The following THSD4 variants were observed in gnomAD, a reference collection of about 807,000 sequenced individuals.
The protein encoded by THSD4 is thrombospondin type-1 domain-containing protein 4.
A neutral mutation model predicts 119.0 loss-of-function variants in THSD4; 69 were observed. That is an observed-to-expected ratio of 0.58 (90% CI 0.48 to 0.71). The LOEUF is 0.71. Ranked by LOEUF, THSD4 falls within the 30% of genes least tolerant of loss-of-function variation. The pLI, the probability that THSD4 is intolerant of heterozygous loss-of-function variation, is 0.00. For missense variants in THSD4, 1,393 were observed against 1,391.1 expected (o/e 1.00, Z -0.02); for synonymous variants, 524 against 540.4 (o/e 0.97, Z 0.42).
chr15:71,107,308 G>T (rs914194943), intron 1 of THSD4, among the ~76,000 whole-genome samples: 5 of 151,376 alleles, frequency 3.3e-5, no homozygotes. Flanking sequence ...CTTTCCTTTT[G>T]CAATTACCTG....
chr15:71,560,592 G>A (rs540365689), intron 7 of THSD4, among the ~76,000 whole-genome samples: 2 of 152,298 alleles, frequency 1.3e-5, no homozygotes, highest in Admixed American at 6.5e-5. Context: ...AGTCATTTTT[G>A]TAAATGTTCT....
chr15:71,641,998 T>C (rs1382041301), intron 7 of THSD4, among the ~76,000 whole-genome samples: 2 of 152,176 alleles, frequency 1.3e-5, no homozygotes, highest in Non-Finnish European at 2.9e-5. Flanking sequence ...AGAAAGGAAG[T>C]GTCACAGACC....
In THSD4 at chr15:71,275,730, AGTTACCCCTTGCT is replaced by A. The variant is rs887811206; in HGVS notation, c.1015+19017_1015+19029del. 2.8e-4 allele frequency among the ~76,000 whole-genome samples: 42 copies of A among 152,242 alleles called. No homozygotes were observed. In the Middle Eastern group the frequency reaches 0.017, roughly 62 times the overall value. On this transcript the variant is annotated intron_variant, in intron 6 of 17. Transcript: ENST00000261862. ...GTGGGGATAATTGAATCATGGGGGC[AGTTACCCCTTGCT>A]GCTGTTCTCGTGATAGTGAGTTAGT...
In THSD4 at chr15:71,758,059, C is replaced by G. The variant is rs372489129; in HGVS notation, c.2573C>G (p.Ala858Gly). 5.7e-6 allele frequency: 9 copies of G among 1,586,566 alleles called. No homozygotes were observed. Among genetic ancestry groups the G allele is most frequent in the Non-Finnish European group, 7.7e-6 (9 of 1,165,738 alleles). ...GPCTGKVEWF[A>G]GSWSQCSIEC... ...TGCACGGGCAAGGTGGAGTGGTTTG[C>G]CGGGAGCTGGAGTCAGGTGAGTGGC... The change falls in exon 15 of 18, where the codon GCC becomes GGC. Residue 858 changes from alanine (A) to glycine (G), a missense_variant. By Grantham distance (60) the Ala-to-Gly change is moderately conservative. Transcript: ENST00000261862.
intron 5 of THSD4, among the ~76,000 whole-genome samples, chr15:71,246,915 A>G (rs2044207493): frequency 7.4e-6 from 1 of 135,152 alleles, no homozygotes. Flanking sequence ...TTTGAGATAG[A>G]GTCTTGCTCT....
intron 6 of THSD4, among the ~76,000 whole-genome samples, chr15:71,363,328 A>G (rs940054974): frequency 6.6e-6 from 1 of 152,344 alleles, no homozygotes; most frequent in East Asian, 1.9e-4. Context: ...CCCAAGGGCC[A>G]TAGTTTGCCA....
chr15:71,105,121 G>T (rs1383737886), intron 1 of THSD4, among the ~76,000 whole-genome samples: 1 of 152,100 alleles, frequency 6.6e-6, no homozygotes, highest in Non-Finnish European at 1.5e-5. Flanking sequence ...CCAAGAGGGG[G>T]TCTGTTCAGC....
At chr15:71,533,306 C>G (rs2048643610) in intron 7 of THSD4, among the ~76,000 whole-genome samples, 1 of 152,158 alleles carries the variant, frequency 6.6e-6, no homozygotes, top group African/African-American at 2.4e-5. Flanking sequence ...CCAGCATTAC[C>G]ATGCTGGAGA....
At chr15:71,616,327 G>A (rs1003828164) in intron 7 of THSD4, among the ~76,000 whole-genome samples, 13 of 152,292 alleles carry the variant, frequency 8.5e-5, no homozygotes, top group African/African-American at 2.9e-4. Flanking sequence ...GAAAGGTAGG[G>A]TTCTGAGCAT....
intron 6 of THSD4, among the ~76,000 whole-genome samples, chr15:71,361,573 T>C (rs12101372): frequency 0.14 from 21,569 of 152,246 alleles, 1,574 homozygotes; most frequent in South Asian, 0.2. Context: ...GGAACTTCTC[T>C]GTGGAAAGCA....
intron 7 of THSD4, among the ~76,000 whole-genome samples, chr15:71,629,271 G>A (rs2050570545): frequency 1.3e-5 from 2 of 152,202 alleles, no homozygotes. Flanking sequence ...ACAACTGACA[G>A]CCTTCAGGTC....
intron 8 of THSD4, among the ~76,000 whole-genome samples, chr15:71,716,561 G>GGGCTGTGTGT (rs1555445094): frequency 6.9e-6 from 1 of 144,564 alleles, no homozygotes. Flanking sequence ...TAGAGTGTGG[G>GGGCTGTGTGT]GTGTGTGTGT....
At chr15:71,171,432 AAT>A (rs570688058) in intron 3 of THSD4, among the ~76,000 whole-genome samples, 23 of 152,174 alleles carry the variant, frequency 1.5e-4, no homozygotes, top group Non-Finnish European at 2.9e-4. Context: ...ACCCAGCAAA[AAT>A]ATCTTTTAAA....
At chr15:71,210,102 C>A (rs2043877211) in intron 3 of THSD4, among the ~76,000 whole-genome samples, 1 of 152,156 alleles carries the variant, frequency 6.6e-6, no homozygotes, top group Non-Finnish European at 1.5e-5. Context: ...ATTTTTGTGA[C>A]CTTCTGTTCA....
Position 71,757,839 on chromosome 15 carries a change from T to A in THSD4, c.2416-63T>A, listed in dbSNP as rs754102699. 5 of 1,595,380 alleles carry A rather than the reference T, an allele frequency of 3.1e-6. No individual in the cohort carries two copies. In the African/African-American group the frequency reaches 4.0e-5, roughly 13 times the overall value. ...AGCATTCCATCCTCCTTTCCATCATTTGAAAGTGGCTTCAGCAGCTGCCAG... is the reference window on the plus strand; with the variant it reads ...AGCATTCCATCCTCCTTTCCATCATATGAAAGTGGCTTCAGCAGCTGCCAG... On this transcript the variant is annotated intron_variant, in intron 14 of 17. Coordinates refer to ENST00000261862, the MANE Select transcript of THSD4 (RefSeq NM_024817.3).
At chr15:71,533,135 G>C (rs1447172715) in intron 7 of THSD4, among the ~76,000 whole-genome samples, 1 of 152,246 alleles carries the variant, frequency 6.6e-6, no homozygotes, top group East Asian at 1.9e-4. Flanking sequence ...CCTTTTGGTT[G>C]AGCTGGGTTG....
intron 7 of THSD4, among the ~76,000 whole-genome samples, chr15:71,465,609 G>A (rs2047488034): frequency 6.6e-6 from 1 of 152,170 alleles, no homozygotes; most frequent in Non-Finnish European, 1.5e-5. Flanking sequence ...TTATATTTGT[G>A]CAGACTTTTT....
In THSD4 at chr15:71,366,701, C is replaced by T. The variant is rs536117857; in HGVS notation, c.1016-44986C>T. On this transcript the variant is annotated intron_variant, in intron 6 of 17. Transcript: ENST00000261862. ...TCTCCCCAGTCTGCCTTCTCTTCAG[C>T]CTATGAAAAACACTCCCACATTATT... Among the ~76,000 whole-genome samples the T allele has an allele frequency of 1.8e-4, 27 of 152,270 alleles. No individual in the cohort carries two copies. The South Asian group carries it at 2.7e-3, about 15-fold the overall frequency.
chr15:71,406,854 A>AT (rs113962891), intron 6 of THSD4, among the ~76,000 whole-genome samples: 2,376 of 150,476 alleles, frequency 0.016, 73 homozygotes, highest in African/African-American at 0.054. Flanking sequence ...TAATTTTTGT[A>AT]TTTTTTTTTA....
Sources: allele counts gnomAD v4.1 joint callset (sites outside exome capture counted in the v4.1 genomes callset), GRCh38; gene constraint gnomAD v4.1.1; transcripts MANE v1.5; gene names NCBI Gene and HGNC (gene_info 2026-07-23, HGNC 2026-07-21).